Variants in IQCJ observed in about 807,000 individuals in gnomAD.
IQCJ encodes the protein IQ motif containing J, also known as IQ domain-containing protein J.
Under a neutral mutation model 11.0 loss-of-function variants are expected in IQCJ, and 9 were observed. That is an observed-to-expected ratio of 0.82 (90% confidence interval 0.49 to 1.43). IQCJ has a LOEUF of 1.43. Among genes scored for constraint, IQCJ ranks in the 40% most tolerant of loss-of-function variants. The pLI is 0.00. For missense variants in IQCJ, 146 were observed against 133.2 expected (o/e 1.10, Z -0.47); for synonymous variants, 55 against 51.3 (o/e 1.07, Z -0.31).
chr3:159,260,161 G>A (rs1728119647), intron 3 of IQCJ, among the ~76,000 whole-genome samples: 1 of 152,156 alleles, frequency 6.6e-6, no homozygotes, highest in Admixed American at 6.5e-5. Context: ...AAAACCAGGA[G>A]GGAGAAGAGG....
At chr3:159,139,759 G>A (rs1720496105) in intron 1 of IQCJ, among the ~76,000 whole-genome samples, 2 of 152,210 alleles carry the variant, frequency 1.3e-5, no homozygotes, top group Non-Finnish European at 2.9e-5. Flanking sequence ...GGGCAAGGAG[G>A]TGGGCCTTGA....
chr3:159,160,239 G>C (rs1327206227), intron 1 of IQCJ, among the ~76,000 whole-genome samples: 1 of 152,132 alleles, frequency 6.6e-6, no homozygotes, highest in Non-Finnish European at 1.5e-5. Context: ...TCATCCGGGG[G>C]AGGAGGTACT....
At chr3:159,091,363 G>A (rs1460757623) in intron 1 of IQCJ, among the ~76,000 whole-genome samples, 1 of 151,726 alleles carries the variant, frequency 6.6e-6, no homozygotes, top group Non-Finnish European at 1.5e-5. Context: ...CCTCTTCTAG[G>A]TTGCCTATTG....
chr3:159,191,838 A>G (rs1723708898), intron 1 of IQCJ, among the ~76,000 whole-genome samples: 1 of 152,246 alleles, frequency 6.6e-6, no homozygotes, highest in African/African-American at 2.4e-5. Context: ...AAACGGAGGC[A>G]GTTGGACACA....
intron 1 of IQCJ, among the ~76,000 whole-genome samples, chr3:159,077,726 G>A (rs529550327): frequency 1.4e-4 from 22 of 152,216 alleles, no homozygotes; most frequent in Middle Eastern, 3.4e-3. Context: ...TAGAATGTAT[G>A]TGGAGTGAGT....
chr3:159,190,669 G>T lies in IQCJ; in HGVS notation c.10-55174G>T, dbSNP rs148511525. On this transcript the variant is annotated intron_variant, in intron 1 of 3. Transcript: ENST00000397832. ...GAGGTCAATGGAGTCAGCATCCTGGGGTCATTAAGGATGCAGCACTGAACT... is the reference window on the plus strand; with the variant it reads ...GAGGTCAATGGAGTCAGCATCCTGGTGTCATTAAGGATGCAGCACTGAACT... Among the ~76,000 whole-genome samples, 13 of 152,314 alleles carry T rather than the reference G, an allele frequency of 8.5e-5. No homozygotes were observed. In the East Asian group the frequency reaches 2.5e-3, roughly 29 times the overall value.
Position 159,142,852 on chromosome 3 carries a change from AT to A in IQCJ, c.9+73417del, listed in dbSNP as rs532819834. Reference sequence around the variant, plus strand: ...TAGTCTTAATAATTTGATTATTACAATTTTTTAAGTGTTAGAAAAACAGCCT... The same window carrying A: ...TAGTCTTAATAATTTGATTATTACAATTTTTAAGTGTTAGAAAAACAGCCT... On this transcript the variant is annotated intron_variant, in intron 1 of 3. Coordinates refer to ENST00000397832, the MANE Select transcript of IQCJ (RefSeq NM_001042706.3). 3.3e-5 allele frequency among the ~76,000 whole-genome samples: 5 copies of A among 152,298 alleles called. No homozygotes were observed. In the East Asian group the frequency reaches 9.6e-4, roughly 29 times the overall value.
intron 1 of IQCJ, among the ~76,000 whole-genome samples, chr3:159,154,491 C>CT (rs375960335): frequency 9.2e-5 from 14 of 151,900 alleles, no homozygotes; most frequent in East Asian, 1.9e-4. Context: ...TCAGCTCTGC[C>CT]TTTTTTTTGG....
At chr3:159,070,500 T>C (rs566571159) in intron 1 of IQCJ, among the ~76,000 whole-genome samples, 1 of 152,246 alleles carries the variant, frequency 6.6e-6, no homozygotes, top group East Asian at 1.9e-4. Flanking sequence ...TTCTAACTGG[T>C]GGTGAGCTAA....
At chr3:159,207,743 T>C (rs764855523) in intron 1 of IQCJ, among the ~76,000 whole-genome samples, 1 of 152,228 alleles carries the variant, frequency 6.6e-6, no homozygotes, top group African/African-American at 2.4e-5. Flanking sequence ...GAAGACCTTT[T>C]TGAAAACATT....
At chr3:159,214,158 A>G (rs561947488) in intron 1 of IQCJ, among the ~76,000 whole-genome samples, 3 of 152,278 alleles carry the variant, frequency 2.0e-5, no homozygotes, top group Admixed American at 6.5e-5. Context: ...AACATGACCC[A>G]TACACAAAAC....
At chr3:159,190,166 C>T (rs1238400923) in intron 1 of IQCJ, among the ~76,000 whole-genome samples, 2 of 152,176 alleles carry the variant, frequency 1.3e-5, no homozygotes, top group African/African-American at 2.4e-5. Context: ...GATTAGCACC[C>T]TGCTCAGCTG....
Position 159,165,220 on chromosome 3 carries a change from T to C in IQCJ, c.10-80623T>C, listed in dbSNP as rs572151169. Among the ~76,000 whole-genome samples, 3 of 152,340 alleles carry C rather than the reference T, an allele frequency of 2.0e-5. No homozygotes were observed. In the East Asian group the frequency reaches 5.8e-4, roughly 29 times the overall value. On this transcript the variant is annotated intron_variant, in intron 1 of 3. Coordinates refer to ENST00000397832, the MANE Select transcript of IQCJ (RefSeq NM_001042706.3). ...CTAGGGACACATACCCTAAGCTCAATTGCCTCATGAGGCAAATAAATGTCT... is the reference window on the plus strand; with the variant it reads ...CTAGGGACACATACCCTAAGCTCAACTGCCTCATGAGGCAAATAAATGTCT...
intron 1 of IQCJ, among the ~76,000 whole-genome samples, chr3:159,237,352 A>G (rs1369518019): frequency 6.6e-6 from 1 of 152,238 alleles, no homozygotes; most frequent in Non-Finnish European, 1.5e-5. Flanking sequence ...AAGCAGCCAC[A>G]GTGATGGGCT....
intron 2 of IQCJ, 47 bp from the exon 3 acceptor site, chr3:159,252,680 T>C (rs759614695): frequency 1.3e-6 from 2 of 1,552,814 alleles, no homozygotes; most frequent in Admixed American, 1.8e-5. Context: ...GCTATAGATG[T>C]TAACCTTCTG....
chr3:159,089,614 C>G (rs1186571069), intron 1 of IQCJ, among the ~76,000 whole-genome samples: 1 of 151,706 alleles, frequency 6.6e-6, no homozygotes, highest in East Asian at 1.9e-4. Flanking sequence ...AGGCTTTGCT[C>G]ATTTCTTTTT....
intron 1 of IQCJ, among the ~76,000 whole-genome samples, chr3:159,103,115 G>T (rs1447941372): frequency 6.6e-6 from 1 of 152,140 alleles, no homozygotes; most frequent in African/African-American, 2.4e-5. Flanking sequence ...TTTCAGTTAT[G>T]TCTCTGATTC....
intron 3 of IQCJ, 141 bp downstream of exon 3, chr3:159,252,948 C>A: frequency 3.8e-6 from 3 of 782,640 alleles, no homozygotes; most frequent in South Asian, 1.9e-5. Context: ...CTCTTCTAAG[C>A]AGGAACACAG....
chr3:159,221,600 C>T (rs566648758), intron 1 of IQCJ, among the ~76,000 whole-genome samples: 1 of 152,214 alleles, frequency 6.6e-6, no homozygotes, highest in East Asian at 1.9e-4. Flanking sequence ...TCAGAGACAG[C>T]TTGGAGATGT....
Sources: allele counts gnomAD v4.1 joint callset (sites outside exome capture counted in the v4.1 genomes callset), GRCh38; gene constraint gnomAD v4.1.1; transcripts MANE v1.5; gene names NCBI Gene and HGNC (gene_info 2026-07-23, HGNC 2026-07-21).